The following MNT variants were observed in gnomAD, a reference collection of about 807,000 sequenced individuals.
MNT encodes the protein MAX network transcriptional repressor, also known as max-binding protein MNT.
A neutral mutation model predicts 40.7 loss-of-function variants in MNT; 13 were observed. That is an observed-to-expected ratio of 0.32 (90% confidence interval 0.21 to 0.51). The LOEUF (loss-of-function observed/expected upper bound fraction) is 0.51. Among genes scored for constraint, MNT ranks in the 20% least tolerant of loss-of-function variants. MNT has a pLI of 0.98. For missense variants in MNT, 757 were observed against 792.0 expected (o/e 0.96, Z 0.53); for synonymous variants, 426 against 354.8 (o/e 1.20, Z -2.26).
chr17:2,400,670 A>T lies in MNT; in HGVS notation c.43T>A (p.Trp15Arg). The T allele has an allele frequency of 6.3e-7, 1 of 1,586,358 alleles. No homozygotes were observed. The highest frequency in any genetic ancestry group is 8.5e-7 in the Non-Finnish European group (1 of 1,169,918). ...GCTCTCTGTTGTTGCTGCGCTTGCC[A>T]TTCCAGGAAGCGGGCCGCCTCCAGT... ...TLLEAARFLE[W>R]QAQQQQRARE... is the part of the protein sequence containing the mutation. Residue 15 changes from tryptophan (W) to arginine (R), a missense_variant, in exon 1 of 6, where the codon TGG (tryptophan) becomes AGG (arginine). Trp to Arg is a moderately radical substitution (Grantham distance 101). Coordinates refer to ENST00000174618, the MANE Select transcript of MNT (RefSeq NM_020310.3).
Position 2,385,859 on chromosome 17 carries a change from GA to G in MNT, c.*1041del, listed in dbSNP as rs1256286075. ...CAACGATGTGGCTTCTATGCTCCTG[GA>G]AACAAGACCAGATGCTGGTCCATGT... On this transcript the variant is annotated 3_prime_UTR_variant, in exon 6 of 6. Coordinates refer to ENST00000174618, the MANE Select transcript of MNT (RefSeq NM_020310.3). 6.6e-6 allele frequency: 1 copy of G among 152,296 alleles called. No individual in the cohort carries two copies. Among genetic ancestry groups the G allele is most frequent in the African/African-American group, 2.4e-5 (1 of 41,462 alleles). The allele number at this position is 152,296 out of a possible 1,614,324, so 9.4% of individuals were successfully genotyped here.
intron 1 of MNT, among the ~76,000 whole-genome samples, chr17:2,398,050 TA>T (rs1192850667): frequency 2.0e-5 from 3 of 152,216 alleles, no homozygotes; most frequent in Admixed American, 2.0e-4. Context: ...GGCACAGGGC[TA>T]GGGGTGGAGG....
chr17:2,394,711 G>T (rs1294020931), intron 2 of MNT, among the ~76,000 whole-genome samples, 164 bp downstream of exon 2: 1 of 152,154 alleles, frequency 6.6e-6, no homozygotes, highest in East Asian at 1.9e-4. Flanking sequence ...GGGAACGGGG[G>T]GCAATGGGAC....
At chr17:2,399,642 AGCCCCGCCCAG>A (rs938770086) in intron 1 of MNT, among the ~76,000 whole-genome samples, 2 of 150,882 alleles carry the variant, frequency 1.3e-5, no homozygotes, top group African/African-American at 4.9e-5. Context: ...GCCCCTTGCC[AGCCCCGCCCAG>A]GCCCCGCCCC....
chr17:2,388,105 A>T lies in MNT; in HGVS notation c.808-56T>A, dbSNP rs1372348796. ...CCCTGAGCAGCAGCCTTGGGGCCCA[A>T]AGCCCCCACAAACCTCTCCCTATCA... is the stretch of plus-strand genomic sequence containing the variant. On this transcript the variant is annotated intron_variant, in intron 4 of 5. Transcript: ENST00000174618. 4.1e-6 allele frequency: 6 copies of T among 1,473,114 alleles called. No homozygotes were observed. The African/African-American group carries it at 7.0e-5, about 17-fold the overall frequency. The allele number at this position is 1,473,114 out of a possible 1,614,324, so 91.3% of individuals were successfully genotyped here.
chr17:2,385,113 G>A lies in MNT; in HGVS notation c.*1788C>T, dbSNP rs2066447122. The A allele has an allele frequency of 1.3e-5, 2 of 152,280 alleles. No individual in the cohort carries two copies. Among genetic ancestry groups the A allele is most frequent in the South Asian group, 4.1e-4 (2 of 4,836 alleles). The allele number at this position is 152,280 out of a possible 1,614,324, so 9.4% of individuals were successfully genotyped here. A position where few individuals can be genotyped will look rare whatever the true frequency, so the allele number is the denominator to read the frequency against. ...GTACAGGGCTCAGCCTCTGAGGATGGTGACCTGGTTTGTAACTGTCCCTTT... is the reference window on the plus strand; with the variant it reads ...GTACAGGGCTCAGCCTCTGAGGATGATGACCTGGTTTGTAACTGTCCCTTT... On this transcript the variant is annotated 3_prime_UTR_variant, in exon 6 of 6. Transcript: ENST00000174618.
At position 2,384,773 on chromosome 17, in the gene MNT, A is replaced by T. The variant is rs957245025; in HGVS notation, c.*2128T>A. 1 of 152,826 alleles carries T rather than the reference A, an allele frequency of 6.5e-6. No homozygotes were observed. Among genetic ancestry groups the T allele is most frequent in the African/African-American group, 2.4e-5 (1 of 41,556 alleles). 9.5% of individuals were successfully genotyped at this position (152,826 alleles called of 1,614,324 possible). A position where few individuals can be genotyped will look rare whatever the true frequency, so the allele number is the denominator to read the frequency against. ...GGGCACACAGCATCACAGCGTTCAC[A>T]AACGACAAGAAAAACAGCAACACCC... is the stretch of plus-strand genomic sequence containing the variant. On this transcript the variant is annotated 3_prime_UTR_variant, in exon 6 of 6. Coordinates refer to ENST00000174618, the MANE Select transcript of MNT (RefSeq NM_020310.3).
chr17:2,385,428 G>C lies in MNT; in HGVS notation c.*1473C>G, dbSNP rs1015519315. The C allele has an allele frequency of 1.3e-5, 2 of 152,282 alleles. No homozygotes were observed. The highest frequency in any genetic ancestry group is 2.4e-5 in the African/African-American group (1 of 41,440). The allele number at this position is 152,282 out of a possible 1,614,324, so 9.4% of individuals were successfully genotyped here. On this transcript the variant is annotated 3_prime_UTR_variant, in exon 6 of 6. Transcript: ENST00000174618. Reference sequence around the variant, plus strand: ...CGCTACACTGAAAGGCCACTGGTGAGTGTGTGTCCAGGTGGGGAGCCGAGC... The same window carrying C: ...CGCTACACTGAAAGGCCACTGGTGACTGTGTGTCCAGGTGGGGAGCCGAGC...
At chr17:2,394,273 G>GCGCGCGCGCACA in intron 3 of MNT, 32 bp downstream of exon 3, 1 of 1,351,278 alleles carries the variant, frequency 7.4e-7, no homozygotes, top group Non-Finnish European at 9.9e-7. Context: ...GCGCACGCAC[G>GCGCGCGCGCACA]CACGCACACA....
At position 2,387,851 on chromosome 17, in the gene MNT, G is replaced by A; in HGVS notation, c.1000+6C>T. 2 of 1,594,218 alleles carry A rather than the reference G, an allele frequency of 1.3e-6. No individual in the cohort carries two copies. Among genetic ancestry groups the A allele is most frequent in the Non-Finnish European group, 1.7e-6 (2 of 1,175,332 alleles). On this transcript the variant is annotated splice_donor_region_variant and intron_variant, in intron 5 of 5. Transcript: ENST00000174618. ...CTGGGGGGCCAGCGTGGGGGCTGGGGCTCACCAGAGGCGGTGGAGGTGGAG... is the reference window on the plus strand; with the variant it reads ...CTGGGGGGCCAGCGTGGGGGCTGGGACTCACCAGAGGCGGTGGAGGTGGAG...
chr17:2,388,866 T>C (rs1376708913), intron 4 of MNT, among the ~76,000 whole-genome samples: 1 of 152,078 alleles, frequency 6.6e-6, no homozygotes, highest in Admixed American at 6.5e-5. Flanking sequence ...CCCAGGCACG[T>C]CATGACCAAT....
Position 2,394,273 on chromosome 17 carries a change from GCACGCA to G in MNT, c.695+26_695+31del, listed in dbSNP as rs1280466760. ...GGGCCCGGGTCGCGCGCGCACGCAC[GCACGCA>G]CACACACACACACACACACACACAC... is the stretch of plus-strand genomic sequence containing the variant. On this transcript the variant is annotated intron_variant, in intron 3 of 5. Coordinates refer to ENST00000174618, the MANE Select transcript of MNT (RefSeq NM_020310.3). The G allele has an allele frequency of 5.5e-5, 74 of 1,351,800 alleles. No individual in the cohort carries two copies. In the Admixed American group the frequency reaches 7.3e-4, roughly 13 times the overall value. 83.7% of individuals were successfully genotyped at this position (1,351,800 alleles called of 1,614,324 possible).
In MNT at chr17:2,395,000, T is replaced by G. The variant is rs758145290; in HGVS notation, c.528A>C (p.Ile176=). ...LQPLPTPVLT[I]APHPGVQPQL... ...GAGGCTGGACTCCAGGGTGTGGCGC[T>G]ATGGTCAGGACAGGCGTGGGGAGGG... Residue 176 remains isoleucine, a synonymous_variant, in exon 2 of 6, where the codon ATA becomes ATC. Coordinates refer to ENST00000174618, the MANE Select transcript of MNT (RefSeq NM_020310.3). 6.2e-7 allele frequency: 1 copy of G among 1,606,090 alleles called. No homozygotes were observed. The highest frequency in any genetic ancestry group is 1.1e-5 in the South Asian group (1 of 89,634).
intron 1 of MNT, 103 bp downstream of exon 1, chr17:2,400,537 C>A: frequency 8.3e-7 from 1 of 1,198,990 alleles, no homozygotes. Context: ...GCTCCGCAGG[C>A]CGCCCGGGAG....
In MNT at chr17:2,393,299, T is replaced by C. The variant is rs2066539986; in HGVS notation, c.807+744A>G. 1.3e-5 allele frequency among the ~76,000 whole-genome samples: 2 copies of C among 151,684 alleles called. 1 individual carries two copies. The highest frequency in any genetic ancestry group is 1.3e-4 in the Admixed American group (2 of 15,260). On this transcript the variant is annotated intron_variant, in intron 4 of 5. Coordinates refer to ENST00000174618, the MANE Select transcript of MNT (RefSeq NM_020310.3). Reference sequence around the variant, plus strand: ...AGCTCAGGCCGCCATGGCAACCGCCTGACGTGGCGGCGCCCCCGGCCCGAG... The same window carrying C: ...AGCTCAGGCCGCCATGGCAACCGCCCGACGTGGCGGCGCCCCCGGCCCGAG...
At chr17:2,393,918 G>T in intron 4 of MNT, 125 bp downstream of exon 4, 1 of 511,010 alleles carries the variant, frequency 2.0e-6, no homozygotes, top group Non-Finnish European at 3.1e-6. Context: ...CAGCGCCCGC[G>T]TGGAGGTGGG....
Position 2,401,038 on chromosome 17 carries a change from A to C in MNT, c.-326T>G, listed in dbSNP as rs1456615958. On this transcript the variant is annotated 5_prime_UTR_variant, in exon 1 of 6. Coordinates refer to ENST00000174618, the MANE Select transcript of MNT (RefSeq NM_020310.3). ...CGCGGCCCCCGGGAGTCCCGCCGAC[A>C]AGAAAGGGCTTTGCAACAAGATGGC... The C allele has an allele frequency of 4.3e-6, 1 of 231,524 alleles. No homozygotes were observed. Among genetic ancestry groups the C allele is most frequent in the Non-Finnish European group, 8.4e-6 (1 of 118,390 alleles). The allele number at this position is 231,524 out of a possible 1,614,324, so 14.3% of individuals were successfully genotyped here.
chr17:2,400,891 T>A lies in MNT; in HGVS notation c.-179A>T. ...GCACGGGGAGAAAAATCAATGTCTC[T>A]CAAAATATTTGCAAAATATAAAATT... is the stretch of plus-strand genomic sequence containing the variant. On this transcript the variant is annotated 5_prime_UTR_variant, in exon 1 of 6. Coordinates refer to ENST00000174618, the MANE Select transcript of MNT (RefSeq NM_020310.3). 2 of 362,492 alleles carry A rather than the reference T, an allele frequency of 5.5e-6. No individual in the cohort carries two copies. Among genetic ancestry groups the A allele is most frequent in the Non-Finnish European group, 4.9e-6 (1 of 204,006 alleles). The allele number at this position is 362,492 out of a possible 1,614,324, so 22.5% of individuals were successfully genotyped here. A position where few individuals can be genotyped will look rare whatever the true frequency, so the allele number is the denominator to read the frequency against.
Position 2,400,852 on chromosome 17 carries a change from G to A in MNT, c.-140C>T. The A allele has an allele frequency of 2.0e-6, 1 of 510,630 alleles. No homozygotes were observed. Among genetic ancestry groups the A allele is most frequent in the Non-Finnish European group, 3.3e-6 (1 of 302,082 alleles). The allele number at this position is 510,630 out of a possible 1,614,324, so 31.6% of individuals were successfully genotyped here. ...CTGGGCGGCGCAGCGCACTCCGCAG[G>A]GAAGAACGGGGGAGCACGGGGAGAA... On this transcript the variant is annotated 5_prime_UTR_variant, in exon 1 of 6. Transcript: ENST00000174618.
Sources: gnomAD v4.1 joint callset for allele counts (sites outside exome capture counted in the v4.1 genomes callset) on GRCh38, gnomAD v4.1.1 for gene constraint, MANE v1.5 for transcripts, NCBI Gene and HGNC (gene_info 2026-07-23, HGNC 2026-07-21) for gene names.